Variants in MRPL50 observed in about 807,000 individuals in gnomAD.
The protein encoded by MRPL50 is large ribosomal subunit protein mL50.
MRPL50 carries 10 observed loss-of-function variants against 16.2 expected under a neutral mutation model. That is an observed-to-expected ratio of 0.62 (90% confidence interval 0.38 to 1.05). The LOEUF (loss-of-function observed/expected upper bound fraction) is 1.05. MRPL50 is among the 50% of genes least tolerant of loss of function. MRPL50 has a pLI of 0.01. For missense variants in MRPL50, 213 were observed against 187.1 expected (o/e 1.14, Z -0.81); for synonymous variants, 68 against 66.8 (o/e 1.02, Z -0.09).
Position 101,390,721 on chromosome 9 carries a change from A to G in MRPL50, c.222T>C (p.Val74=). 6.2e-7 allele frequency: 1 copy of G among 1,613,546 alleles called. No homozygotes were observed. The highest frequency in any genetic ancestry group is 8.5e-7 in the Non-Finnish European group (1 of 1,179,570). Residue 74 remains valine (V), a synonymous_variant, in exon 2 of 2, where the codon GTT becomes GTC. Coordinates refer to ENST00000374865, the MANE Select transcript of MRPL50 (RefSeq NM_019051.3). ...GAAGAGATGAACCAAAAACTTCTTT[A>G]ACGTAAGATTCCAAACGACTCTGGA... The part of the protein sequence containing the change: ...EDLQSRLESY[V]KEVFGSSLPS...
chr9:101,396,799 G>A lies in MRPL50; in HGVS notation c.92+1702C>T, dbSNP rs572930104. 6.8e-3 allele frequency among the ~76,000 whole-genome samples: 1,036 copies of A among 152,100 alleles called. 9 individuals carry two copies. Among genetic ancestry groups the A allele is most frequent in the Non-Finnish European group, 0.011 (769 of 67,990 alleles). ...TCTACTAAAAATAAAAAAATTAGCC[G>A]GGCGTGGTGGCGGGCACCTGTAGTC... On this transcript the variant is annotated intron_variant, in intron 1 of 1. Transcript: ENST00000374865.
chr9:101,395,086 C>T (rs911640670), intron 1 of MRPL50, among the ~76,000 whole-genome samples: 1 of 151,398 alleles, frequency 6.6e-6, no homozygotes, highest in African/African-American at 2.4e-5. Context: ...GTAACAACAA[C>T]AAAAAAAACC....
chr9:101,398,541 CT>C lies in MRPL50; in HGVS notation c.51del (p.Val18SerfsTer25). On this transcript the variant is annotated frameshift_variant, in exon 1 of 2. Transcript: ENST00000374865. LOFTEE classifies it high-confidence loss of function. ...SGITRRVFMWTVSGTPCREFW... is the reference protein window; with the variant it reads ...SGITRRVFMWXVSGTPCREFW... ...AATTCTCTACATGGTGTCCCTGAGA[CT>C]GTCCACATGAAGACTCTTCTGGTAA... 6.2e-7 allele frequency: 1 copy of C among 1,614,114 alleles called. No individual in the cohort carries two copies. The highest frequency in any genetic ancestry group is 8.5e-7 in the Non-Finnish European group (1 of 1,180,018).
At position 101,397,312 on chromosome 9, in the gene MRPL50, CAG is replaced by C. The variant is rs200926031; in HGVS notation, c.92+1187_92+1188del. ...CTCCTTTCTCTAAAACAAAACAAAA[CAG>C]AAAGTATGTGAAGAGATGAATATGA... On this transcript the variant is annotated intron_variant, in intron 1 of 1. Transcript: ENST00000374865. Among the ~76,000 whole-genome samples, 1,025 of 152,190 alleles carry C rather than the reference CAG, an allele frequency of 6.7e-3. 5 individuals carry two copies. The highest frequency in any genetic ancestry group is 0.011 in the Non-Finnish European group (750 of 67,998).
chr9:101,392,548 A>G (rs1438130942), intron 1 of MRPL50, among the ~76,000 whole-genome samples: 4 of 152,164 alleles, frequency 2.6e-5, no homozygotes, highest in Middle Eastern at 3.4e-3. Context: ...GAAGAGATGG[A>G]TTAATTCCTA....
At chr9:101,398,360 A>C in intron 1 of MRPL50, 141 bp downstream of exon 1, 3 of 723,632 alleles carry the variant, frequency 4.1e-6, no homozygotes, top group East Asian at 2.6e-5. Context: ...GTGCTTCTCA[A>C]CTCGGGACCC....
At chr9:101,398,451 C>G (rs1200285633) in intron 1 of MRPL50, 50 bp downstream of exon 1, 1 of 1,536,824 alleles carries the variant, frequency 6.5e-7, no homozygotes, top group Non-Finnish European at 9.0e-7. Context: ...CGTCCCTAAT[C>G]CTCCTTAACT....
chr9:101,393,380 G>T (rs1360277283), intron 1 of MRPL50, among the ~76,000 whole-genome samples: 1 of 152,012 alleles, frequency 6.6e-6, no homozygotes, highest in East Asian at 1.9e-4. Context: ...ACAGCAATTA[G>T]ACAAGAGAAA....
rs1456498103 is a variant in MRPL50 at position 101,387,809 on chromosome 9, CATT to C, written c.*2654_*2656del. The C allele has an allele frequency of 5.6e-4, 44 of 79,128 alleles. No individual in the cohort carries two copies. Among genetic ancestry groups the C allele is most frequent in the African/African-American group, 3.3e-3 (44 of 13,460 alleles). 4.9% of individuals were successfully genotyped at this position (79,128 alleles called of 1,614,324 possible). A position where few individuals can be genotyped will look rare whatever the true frequency, so the allele number is the denominator to read the frequency against. On this transcript the variant is annotated 3_prime_UTR_variant, in exon 2 of 2. Transcript: ENST00000374865. The stretch of plus-strand genomic sequence containing the variant: ...ACTGATACCCTTTTTATGTAGCAAT[CATT>C]AAATTTTTAAAAATGTAAACCCTTT...
rs1830221591 is a variant in MRPL50 at position 101,387,859 on chromosome 9, T to C, written c.*2607A>G. 6.6e-6 allele frequency: 1 copy of C among 152,120 alleles called. No individual in the cohort carries two copies. The highest frequency in any genetic ancestry group is 1.9e-4 in the East Asian group (1 of 5,184). 9.4% of individuals were successfully genotyped at this position (152,120 alleles called of 1,614,324 possible). On this transcript the variant is annotated 3_prime_UTR_variant, in exon 2 of 2. Coordinates refer to ENST00000374865, the MANE Select transcript of MRPL50 (RefSeq NM_019051.3). ...CTTTAAAATTACATCATATGTCTGA[T>C]TATCTCATTAAACAAGTTAGCAAGC...
At chr9:101,396,214 T>A (rs923180882) in intron 1 of MRPL50, among the ~76,000 whole-genome samples, 1 of 152,192 alleles carries the variant, frequency 6.6e-6, no homozygotes, top group East Asian at 1.9e-4. Context: ...AATATTGGCA[T>A]AGCCATTATA....
chr9:101,391,633 A>G (rs147580014), intron 1 of MRPL50, among the ~76,000 whole-genome samples: 154 of 152,260 alleles, frequency 1.0e-3, no homozygotes, highest in African/African-American at 3.3e-3. Context: ...GCAAAAGCAT[A>G]TAACAATTAT....
At chr9:101,396,798 C>T (rs369762315) in intron 1 of MRPL50, among the ~76,000 whole-genome samples, 264 of 151,968 alleles carry the variant, frequency 1.7e-3, no homozygotes, top group East Asian at 8.7e-3. Flanking sequence ...AAAAATTAGC[C>T]GGGCGTGGTG....
chr9:101,398,396 T>C, intron 1 of MRPL50, 105 bp downstream of exon 1: 1 of 1,104,830 alleles, frequency 9.1e-7, no homozygotes, highest in East Asian at 2.4e-5. Context: ...GTCCTTGCTC[T>C]GATCAGGCGC....
In MRPL50 at chr9:101,398,609, G is replaced by A. The variant is rs184203531; in HGVS notation, c.-17C>T. On this transcript the variant is annotated 5_prime_UTR_variant, in exon 1 of 2. Coordinates refer to ENST00000374865, the MANE Select transcript of MRPL50 (RefSeq NM_019051.3). The stretch of plus-strand genomic sequence containing the variant: ...CGCCGCCATCTTCGATGAGATCCAC[G>A]GGCCTGAGCGCAGCCTTCAGCCAGC... 124 of 1,611,894 alleles carry A rather than the reference G, an allele frequency of 7.7e-5. No homozygotes were observed. The South Asian group carries it at 8.1e-4, about 11-fold the overall frequency.
intron 1 of MRPL50, among the ~76,000 whole-genome samples, chr9:101,394,051 A>T (rs1830309202): frequency 6.6e-6 from 1 of 151,600 alleles, no homozygotes; most frequent in South Asian, 2.1e-4. Flanking sequence ...TCTAACCTTT[A>T]AGCTGTCCTT....
At chr9:101,395,946 T>G (rs1010385461) in intron 1 of MRPL50, among the ~76,000 whole-genome samples, 1 of 152,218 alleles carries the variant, frequency 6.6e-6, no homozygotes, top group East Asian at 1.9e-4. Flanking sequence ...AGTGAAGATT[T>G]AGAATGTTCC....
At chr9:101,395,206 A>AT (rs1830324222) in intron 1 of MRPL50, among the ~76,000 whole-genome samples, 1 of 152,230 alleles carries the variant, frequency 6.6e-6, no homozygotes, top group Non-Finnish European at 1.5e-5. Flanking sequence ...ATGCAACTCA[A>AT]TAACACAATG....
chr9:101,392,498 T>C (rs1300322702), intron 1 of MRPL50, among the ~76,000 whole-genome samples: 1 of 152,014 alleles, frequency 6.6e-6, no homozygotes, highest in African/African-American at 2.4e-5. Flanking sequence ...TAATTAGAGA[T>C]TGTTACAAGC....
Sources: allele counts gnomAD v4.1 joint callset (sites outside exome capture counted in the v4.1 genomes callset), GRCh38; gene constraint gnomAD v4.1.1; transcripts MANE v1.5; gene names NCBI Gene and HGNC (gene_info 2026-07-23, HGNC 2026-07-21).